Variants in CLRN1 observed in about 807,000 individuals in gnomAD.
CLRN1 encodes clarin 1, also known as clarin-1.
A neutral mutation model predicts 18.7 loss-of-function variants in CLRN1; 15 were observed. The observed-to-expected ratio is 0.80, with a 90% CI of 0.54 to 1.23. CLRN1 has a LOEUF of 1.23. Ranked by LOEUF, CLRN1 falls within the 50% of genes most tolerant of loss-of-function variation. CLRN1 has a pLI of 0.00. For synonymous variants in CLRN1, 104 were observed against 102.9 expected (o/e 1.01, Z -0.07); for missense variants, 311 against 277.5 (o/e 1.12, Z -0.86).
At position 150,969,132 on chromosome 3, in the gene CLRN1, A is replaced by C. The variant is rs574725418; in HGVS notation, c.253+3324T>G. 6.6e-5 allele frequency among the ~76,000 whole-genome samples: 10 copies of C among 151,426 alleles called. No homozygotes were observed. In the South Asian group the frequency reaches 2.1e-3, roughly 32 times the overall value. Reference sequence around the variant, plus strand: ...TCAAGAAAAAAAAAAACAATGTAAAACATCTCAATAAATTTTTAATTATAT... The same window carrying C: ...TCAAGAAAAAAAAAAACAATGTAAACCATCTCAATAAATTTTTAATTATAT... On this transcript the variant is annotated intron_variant, in intron 1 of 2. Coordinates refer to ENST00000327047, the MANE Select transcript of CLRN1 (RefSeq NM_174878.3).
intron 1 of CLRN1, chr3:150,942,504 T>G (rs1234354652): frequency 5.2e-6 from 2 of 383,670 alleles, no homozygotes; most frequent in East Asian, 9.2e-5. Flanking sequence ...CTGTTCATTT[T>G]AGTTCCCCAA....
At position 150,929,607 on chromosome 3, in the gene CLRN1, G is replaced by A. The variant is rs909422867; in HGVS notation, c.434-1406C>T. On this transcript the variant is annotated intron_variant, in intron 2 of 2. Coordinates refer to ENST00000327047, the MANE Select transcript of CLRN1 (RefSeq NM_174878.3). The stretch of plus-strand genomic sequence containing the variant: ...ATAAATAAAGCATGATTTGCATTTG[G>A]CTTTGTAATTGACACATATAAATGC... Among the ~76,000 whole-genome samples, 3 of 152,262 alleles carry A rather than the reference G, an allele frequency of 2.0e-5. 1 individual carries two copies.
chr3:150,934,405 A>G (rs1383881844), intron 2 of CLRN1, among the ~76,000 whole-genome samples: 1 of 152,236 alleles, frequency 6.6e-6, no homozygotes, highest in Non-Finnish European at 1.5e-5. Flanking sequence ...TCATGACGCT[A>G]TGTGTAAGAG....
chr3:150,945,434 C>T, intron 1 of CLRN1: 1 of 1,121,894 alleles, frequency 8.9e-7, no homozygotes, highest in Non-Finnish European at 1.2e-6. Flanking sequence ...CTCCTGACCA[C>T]ATGCTGGAAG....
intron 1 of CLRN1, among the ~76,000 whole-genome samples, chr3:150,965,961 A>G (rs1173727081): frequency 6.6e-6 from 1 of 152,168 alleles, no homozygotes; most frequent in Admixed American, 6.5e-5. Flanking sequence ...GCTTAAAGTC[A>G]TTTTCTCCAT....
At chr3:150,946,637 CAT>C (rs1235763955) in intron 1 of CLRN1, among the ~76,000 whole-genome samples, 4 of 149,238 alleles carry the variant, frequency 2.7e-5, no homozygotes, top group Non-Finnish European at 3.0e-5. Flanking sequence ...ATTTAAGAGA[CAT>C]ATTAATAAAA....
Position 150,927,126 on chromosome 3 carries a change from C to A in CLRN1, c.*810G>T. The A allele has an allele frequency of 1.4e-6, 1 of 707,304 alleles. No individual in the cohort carries two copies. The highest frequency in any genetic ancestry group is 2.5e-6 in the Non-Finnish European group (1 of 400,638). 43.8% of individuals were successfully genotyped at this position (707,304 alleles called of 1,614,324 possible). On this transcript the variant is annotated 3_prime_UTR_variant, in exon 3 of 3. Transcript: ENST00000327047. ...CCTCAGTGGTCCTAACAATTATGTT[C>A]ATTGAAAGTACTGTCGTGAATGTAA...
At chr3:150,949,785 T>C (rs779021085) in intron 1 of CLRN1, among the ~76,000 whole-genome samples, 1 of 152,144 alleles carries the variant, frequency 6.6e-6, no homozygotes, top group Non-Finnish European at 1.5e-5. Context: ...ACCAACGACA[T>C]TCTTCACATA....
At chr3:150,955,920 C>A (rs1258275863) in intron 1 of CLRN1, among the ~76,000 whole-genome samples, 1 of 152,058 alleles carries the variant, frequency 6.6e-6, no homozygotes, top group East Asian at 1.9e-4. Context: ...CAAAATTTTT[C>A]TTTATTTTTG....
intron 1 of CLRN1, among the ~76,000 whole-genome samples, chr3:150,947,946 G>A (rs972841998): frequency 3.3e-5 from 5 of 152,136 alleles, no homozygotes; most frequent in Non-Finnish European, 7.4e-5. Flanking sequence ...ACATCAAAAA[G>A]TTAGATCTCA....
chr3:150,955,826 G>C (rs1164687421), intron 1 of CLRN1, among the ~76,000 whole-genome samples: 1 of 151,944 alleles, frequency 6.6e-6, no homozygotes, highest in Admixed American at 6.6e-5. Context: ...TGTCTATGGG[G>C]GACCTTTTTT....
chr3:150,964,728 A>T (rs191598822), intron 1 of CLRN1, among the ~76,000 whole-genome samples: 6 of 152,100 alleles, frequency 3.9e-5, no homozygotes, highest in Admixed American at 3.3e-4. Context: ...TGCAGCCATA[A>T]AATGAGTTCA....
At chr3:150,963,308 T>C (rs995801781) in intron 1 of CLRN1, among the ~76,000 whole-genome samples, 7 of 152,290 alleles carry the variant, frequency 4.6e-5, no homozygotes, top group Middle Eastern at 3.4e-3. Flanking sequence ...TGAACTTCCA[T>C]TCACAATTGC....
At chr3:150,942,381 T>C (rs1462142706) in intron 1 of CLRN1, among the ~76,000 whole-genome samples, 1 of 152,248 alleles carries the variant, frequency 6.6e-6, no homozygotes, top group Non-Finnish European at 1.5e-5. Flanking sequence ...GGCAAGTTTT[T>C]CTTGTTTGCA....
chr3:150,926,771 GT>G lies in CLRN1; in HGVS notation c.*1164del. ...CCTGTGGTCAGAGGCCTAGTGATCT[GT>G]TTGCTGTCATTCTCTGCTTTTTCCT... On this transcript the variant is annotated 3_prime_UTR_variant, in exon 3 of 3. Transcript: ENST00000327047. 6.2e-7 allele frequency: 1 copy of G among 1,613,198 alleles called. No individual in the cohort carries two copies. The highest frequency in any genetic ancestry group is 8.5e-7 in the Non-Finnish European group (1 of 1,179,596).
Position 150,926,650 on chromosome 3 carries a change from T to C in CLRN1, c.*1286A>G, listed in dbSNP as rs1712808131. 1.2e-6 allele frequency: 1 copy of C among 848,512 alleles called. No homozygotes were observed. The highest frequency in any genetic ancestry group is 1.9e-6 in the Non-Finnish European group (1 of 512,938). 52.6% of individuals were successfully genotyped at this position (848,512 alleles called of 1,614,324 possible). A position where few individuals can be genotyped will look rare whatever the true frequency, so the allele number is the denominator to read the frequency against. ...AGCAAGTTATTTCTCAGGTATACGG[T>C]TGTTTCATCCTTGTAAATAGTTCCA... On this transcript the variant is annotated 3_prime_UTR_variant, in exon 3 of 3. Transcript: ENST00000327047.
At chr3:150,955,490 G>C (rs530209224) in intron 1 of CLRN1, among the ~76,000 whole-genome samples, 18 of 152,330 alleles carry the variant, frequency 1.2e-4, no homozygotes, top group Non-Finnish European at 2.4e-4. Context: ...GTAGTAGCAA[G>C]AGGGGGTGAT....
At chr3:150,937,550 G>A (rs750602883) in intron 2 of CLRN1, among the ~76,000 whole-genome samples, 54 of 152,290 alleles carry the variant, frequency 3.5e-4, no homozygotes, top group Admixed American at 1.2e-3. Flanking sequence ...CTAATGTACA[G>A]TCAAAGAAGC....
At chr3:150,943,423 T>C (rs538394934) in intron 1 of CLRN1, among the ~76,000 whole-genome samples, 1 of 152,250 alleles carries the variant, frequency 6.6e-6, no homozygotes, top group African/African-American at 2.4e-5. Context: ...TGGCTGGACA[T>C]CAGAGAGAGG....
Sources: allele counts gnomAD v4.1 joint callset (sites outside exome capture counted in the v4.1 genomes callset), GRCh38; gene constraint gnomAD v4.1.1; transcripts MANE v1.5; gene names NCBI Gene and HGNC (gene_info 2026-07-23, HGNC 2026-07-21).